The following NBPF9 variants were observed in gnomAD, a reference collection of about 807,000 sequenced individuals.
The protein encoded by NBPF9 is NBPF member 9, also known as NBPF family member NBPF9.
NBPF9 carries 91 observed loss-of-function variants against 97.8 expected under a neutral mutation model. The observed-to-expected ratio is 0.93, with a 90% confidence interval of 0.79 to 1.11. The LOEUF is 1.11. NBPF9 is among the 50% of genes least tolerant of loss of function. NBPF9 has a pLI of 0.00. For missense variants in NBPF9, 992 were observed against 939.5 expected, an observed-to-expected ratio of 1.06 and a Z score of -0.73; for synonymous variants, 334 against 359.5, an observed-to-expected ratio of 0.93 and a Z score of 0.80.
intron 15 of NBPF9, 121 bp from the exon 16 acceptor site, chr1:149,071,260 G>C (rs587658483): frequency 1.1e-5 from 15 of 1,338,196 alleles, no homozygotes; most frequent in South Asian, 7.2e-5. Flanking sequence ...GCAAAATGGA[G>C]GTTCCCATTA....
chr1:149,052,262 T>C (rs1315758774), downstream of NBPF9, among the ~76,000 whole-genome samples: 1 of 152,046 alleles, frequency 6.6e-6, no homozygotes, highest in Non-Finnish European at 1.5e-5. Context: ...TTATGAAAAT[T>C]AAAAGTTTTT....
chr1:149,076,168 G>T (rs1167608275), intron 11 of NBPF9, among the ~76,000 whole-genome samples: 1 of 151,850 alleles, frequency 6.6e-6, no homozygotes, highest in Non-Finnish European at 1.5e-5. Context: ...TAGCACAAAA[G>T]ATTTCATTTT....
chr1:149,073,197 T>C (rs1284823618), intron 13 of NBPF9, among the ~76,000 whole-genome samples: 1 of 148,840 alleles, frequency 6.7e-6, no homozygotes, highest in Non-Finnish European at 1.5e-5. Flanking sequence ...GTTTTCCTAA[T>C]TCCATTTCAA....
At chr1:149,099,611 A>G (rs1181331239) in intron 3 of NBPF9, among the ~76,000 whole-genome samples, 2 of 152,234 alleles carry the variant, frequency 1.3e-5, no homozygotes, top group African/African-American at 4.8e-5. Flanking sequence ...CATAATAACA[A>G]CAATGAATAC....
intron 24 of NBPF9, 118 bp from the exon 25 acceptor site, chr1:149,059,926 G>A: frequency 4.6e-6 from 2 of 431,874 alleles, no homozygotes; most frequent in Non-Finnish European, 8.3e-6. Context: ...ATAGGACACT[G>A]TGAGAGATAT....
At chr1:149,064,524 C>G (rs144745201) in intron 18 of NBPF9, 42 bp from the exon 19 acceptor site, 13 of 1,445,666 alleles carry the variant, frequency 9.0e-6, no homozygotes, top group Admixed American at 1.7e-5. Context: ...TTAAGCAGTC[C>G]TTCCTTGCAC....
intron 13 of NBPF9, 102 bp downstream of exon 13, chr1:149,073,666 C>T (rs1319907692): frequency 5.9e-6 from 5 of 853,334 alleles, no homozygotes; most frequent in Admixed American, 1.9e-5. Context: ...AATTCCTGCC[C>T]TTCCCCTGGC....
intron 5 of NBPF9, among the ~76,000 whole-genome samples, chr1:149,084,316 A>G (rs1451597425): frequency 6.8e-6 from 1 of 147,686 alleles, no homozygotes; most frequent in African/African-American, 2.5e-5. Flanking sequence ...CGTATATATA[A>G]TATATACACA....
At chr1:149,058,730 G>C (rs1209765441) in intron 26 of NBPF9, 195 bp downstream of exon 26, 3 of 493,670 alleles carry the variant, frequency 6.1e-6, no homozygotes, top group South Asian at 2.0e-5. Flanking sequence ...ACTAGGAATA[G>C]AGCCTTGCTC....
At position 149,054,288 on chromosome 1, in the gene NBPF9, G is replaced by C. The variant is rs587758507; in HGVS notation, c.*1368C>G. On this transcript the variant is annotated 3_prime_UTR_variant, in exon 30 of 30. Coordinates refer to ENST00000584027, the Ensembl canonical transcript of NBPF9. ...ATTGAGACCCAAAATTTCCAGCGTA[G>C]AGATATGAATATAATAATAGACACA... 7 of 111,996 alleles carry C rather than the reference G, an allele frequency of 6.3e-5. 1 individual carries two copies. In the South Asian group the frequency reaches 2.3e-3, roughly 37 times the overall value. The allele number at this position is 111,996 out of a possible 1,614,324, so 6.9% of individuals were successfully genotyped here.
At chr1:149,052,640 A>G (rs2077977172), downstream of NBPF9, among the ~76,000 whole-genome samples, 1 of 150,224 alleles carries the variant, frequency 6.7e-6, no homozygotes, top group Non-Finnish European at 1.5e-5. Flanking sequence ...AAGCAAATTC[A>G]TGTATATATA....
intron 15 of NBPF9, among the ~76,000 whole-genome samples, 154 bp from the exon 16 acceptor site, chr1:149,071,293 C>T (rs1282197152): frequency 2.0e-5 from 3 of 152,086 alleles, no homozygotes; most frequent in African/African-American, 7.2e-5. Context: ...TAATCCTCTT[C>T]TCTCTGCAAC....
At chr1:149,063,966 G>A (rs1161822193) in intron 19 of NBPF9, among the ~76,000 whole-genome samples, 161 bp from the exon 20 acceptor site, 2 of 140,916 alleles carry the variant, frequency 1.4e-5, no homozygotes, top group Non-Finnish European at 3.1e-5. Context: ...ATAGACTAGG[G>A]CCAGGTAGAA....
chr1:149,098,106 CAA>C (rs2081910842), intron 4 of NBPF9, among the ~76,000 whole-genome samples: 1 of 148,248 alleles, frequency 6.7e-6, no homozygotes, highest in Non-Finnish European at 1.5e-5. Flanking sequence ...AGGGTGGAAA[CAA>C]GAGATGGAAA....
chr1:149,064,122 T>C (rs1330294305), intron 19 of NBPF9, among the ~76,000 whole-genome samples: 2 of 138,290 alleles, frequency 1.4e-5, no homozygotes, highest in Non-Finnish European at 3.1e-5. Context: ...GGACACACAG[T>C]GAACAGTGAT....
At chr1:149,071,347 C>T (rs1247483073) in intron 15 of NBPF9, among the ~76,000 whole-genome samples, 2 of 151,398 alleles carry the variant, frequency 1.3e-5, no homozygotes, top group East Asian at 3.9e-4. Flanking sequence ...AGAGCAGCTG[C>T]TGTTCATTGC....
rs185913651 is a variant in NBPF9, at chr1:149,072,634, A to G, written c.1306+84T>C. 154 of 1,517,328 alleles carry G rather than the reference A, an allele frequency of 1.0e-4. No homozygotes were observed. The African/African-American group carries it at 1.9e-3, about 19-fold the overall frequency. 94.0% of individuals were successfully genotyped at this position (1,517,328 alleles called of 1,614,324 possible). A position where few individuals can be genotyped will look rare whatever the true frequency, so the allele number is the denominator to read the frequency against. On this transcript the variant is annotated intron_variant, in intron 14 of 29. Transcript: ENST00000584027. Reference sequence around the variant, plus strand: ...CTTAGTGGAAAAAAACACCATTGATACAACTGTCATTGTGAAAGTATGGAG... The same window carrying G: ...CTTAGTGGAAAAAAACACCATTGATGCAACTGTCATTGTGAAAGTATGGAG...
intron 4 of NBPF9, among the ~76,000 whole-genome samples, chr1:149,094,120 G>A (rs1575876465): frequency 6.6e-6 from 1 of 152,098 alleles, no homozygotes; most frequent in Non-Finnish European, 1.5e-5. Flanking sequence ...AAGGAAAAGA[G>A]AAATAACTCC....
rs587694711 is a variant in NBPF9 at position 149,071,147 on chromosome 1, G to A, written c.1380-8C>T. ...TCAGCCTTCTGCATCTCCCTGATGA[G>A]CCAGGTGGGACAGAGATGACAGAAG... On this transcript the variant is annotated splice_polypyrimidine_tract_variant and splice_region_variant and intron_variant, in intron 15 of 29. Coordinates refer to ENST00000584027, the Ensembl canonical transcript of NBPF9. 2.7e-3 allele frequency: 4,123 copies of A among 1,505,530 alleles called. 77 individuals carry two copies. The highest frequency in any genetic ancestry group is 0.027 in the South Asian group (2,406 of 88,484). 93.3% of individuals were successfully genotyped at this position (1,505,530 alleles called of 1,614,324 possible). A position where few individuals can be genotyped will look rare whatever the true frequency, so the allele number is the denominator to read the frequency against.
Sources: gnomAD v4.1 joint callset for allele counts (sites outside exome capture counted in the v4.1 genomes callset) on GRCh38, gnomAD v4.1.1 for gene constraint, MANE v1.5 for transcripts, NCBI Gene and HGNC (gene_info 2026-07-23, HGNC 2026-07-21) for gene names.